REEP5: variants seen among roughly 807,000 people sequenced by gnomAD.
REEP5 encodes the protein receptor expression-enhancing protein 5.
A neutral mutation model predicts 22.4 loss-of-function variants in REEP5; 24 were observed. That is an observed-to-expected ratio of 1.07 (90% confidence interval 0.78 to 1.51). The LOEUF (loss-of-function observed/expected upper bound fraction) is 1.51. Ranked by LOEUF, REEP5 falls within the 40% of genes most tolerant of loss-of-function variation. REEP5 has a pLI of 0.00. For missense variants in REEP5, 252 were observed against 233.0 expected, an observed-to-expected ratio of 1.08 and a Z score of -0.53; for synonymous variants, 103 against 88.6, an observed-to-expected ratio of 1.16 and a Z score of -0.92.
intron 2 of REEP5, among the ~76,000 whole-genome samples, chr5:112,911,679 G>A (rs1357014771): frequency 1.3e-5 from 2 of 151,936 alleles, no homozygotes; most frequent in Non-Finnish European, 2.9e-5. Flanking sequence ...TTGCTTTTAG[G>A]ACCAAGTTCA....
chr5:112,877,824 T>A lies in REEP5; in HGVS notation c.*962A>T, dbSNP rs1018416328. ...CCTTAAACTGGTTTAAAAAAGAAGATTGGGAAAGAAGACTAAATCAACATG... is the reference window on the plus strand; with the variant it reads ...CCTTAAACTGGTTTAAAAAAGAAGAATGGGAAAGAAGACTAAATCAACATG... On this transcript the variant is annotated 3_prime_UTR_variant, in exon 5 of 5. Coordinates refer to ENST00000379638, the MANE Select transcript of REEP5 (RefSeq NM_005669.5). 1 of 152,042 alleles carries A rather than the reference T, an allele frequency of 6.6e-6. No individual in the cohort carries two copies. The highest frequency in any genetic ancestry group is 2.4e-5 in the African/African-American group (1 of 41,364). The allele number at this position is 152,042 out of a possible 1,614,324, so 9.4% of individuals were successfully genotyped here. A position where few individuals can be genotyped will look rare whatever the true frequency, so the allele number is the denominator to read the frequency against.
chr5:112,906,189 T>C (rs918161715), intron 2 of REEP5, among the ~76,000 whole-genome samples: 10 of 152,178 alleles, frequency 6.6e-5, no homozygotes, highest in African/African-American at 1.9e-4. Context: ...ACCTTCATAA[T>C]AGCCATGTAG....
At chr5:112,917,798 T>C (rs770035588) in intron 2 of REEP5, among the ~76,000 whole-genome samples, 10 of 152,192 alleles carry the variant, frequency 6.6e-5, no homozygotes, top group Non-Finnish European at 1.5e-4. Context: ...ATGCTCAGAA[T>C]AGGCAAACTC....
At chr5:112,886,025 A>C (rs985859473) in intron 4 of REEP5, among the ~76,000 whole-genome samples, 3 of 152,210 alleles carry the variant, frequency 2.0e-5, no homozygotes, top group Non-Finnish European at 2.9e-5. Flanking sequence ...CTTCAGCGAC[A>C]TGGCCTCTCC....
At chr5:112,919,355 C>CTGGCTAACA (rs1769299521) in intron 2 of REEP5, among the ~76,000 whole-genome samples, 1 of 152,052 alleles carries the variant, frequency 6.6e-6, no homozygotes, top group African/African-American at 2.4e-5. Flanking sequence ...CAAGATCAGC[C>CTGGCTAACA]TGGCTAACAT....
intron 2 of REEP5, among the ~76,000 whole-genome samples, chr5:112,908,100 T>TG (rs948360543): frequency 2.2e-4 from 22 of 97,984 alleles, no homozygotes; most frequent in African/African-American, 6.1e-4. Context: ...CTTTGTTTTT[T>TG]GTTTTTTTTT....
chr5:112,921,338 G>A (rs577411688), intron 1 of REEP5, 82 bp from the exon 2 acceptor site: 77 of 1,344,840 alleles, frequency 5.7e-5, no homozygotes, highest in African/African-American at 2.1e-4. Flanking sequence ...CCGCGAGGCT[G>A]GGCCTGTTGT....
chr5:112,891,332 T>TA (rs1296167828), intron 3 of REEP5, among the ~76,000 whole-genome samples: 1 of 152,058 alleles, frequency 6.6e-6, no homozygotes, highest in African/African-American at 2.4e-5. Flanking sequence ...TTCGGCCTCC[T>TA]AAAGTGCTGG....
chr5:112,883,742 C>T (rs1186175612), intron 4 of REEP5, among the ~76,000 whole-genome samples: 1 of 152,114 alleles, frequency 6.6e-6, no homozygotes, highest in Non-Finnish European at 1.5e-5. Context: ...CAAACAGACA[C>T]CTCAAACAAA....
chr5:112,879,171 C>A (rs903185272), intron 4 of REEP5, among the ~76,000 whole-genome samples: 3 of 152,120 alleles, frequency 2.0e-5, no homozygotes. Flanking sequence ...TGTTCAAATT[C>A]TATTTGTATC....
At chr5:112,914,084 A>G (rs550766338) in intron 2 of REEP5, among the ~76,000 whole-genome samples, 45 of 150,852 alleles carry the variant, frequency 3.0e-4, no homozygotes, top group East Asian at 8.1e-4. Flanking sequence ...TCAAGGCTGC[A>G]GTGAGCTGTG....
Position 112,922,110 on chromosome 5 carries a change from C to T in REEP5, c.81G>A (p.Glu27=), listed in dbSNP as rs376552763. The T allele has an allele frequency of 1.8e-5, 29 of 1,605,100 alleles. No individual in the cohort carries two copies. Among genetic ancestry groups the T allele is most frequent in the South Asian group, 1.3e-4 (12 of 89,844 alleles). ...AGCTCCTGTTCACGCCGGTTTTGGC[C>T]TCGAGCTTGGCCAGAAGGTCAGTCA... ...NCMTDLLAKL[E]AKTGVNRSFI... is the part of the protein sequence containing the mutation. The change falls in exon 1 of 5, where the codon GAG becomes GAA. Residue 27 remains glutamate, a synonymous_variant. Transcript: ENST00000379638.
chr5:112,921,503 T>A (rs953402303), intron 1 of REEP5: 64 of 548,846 alleles, frequency 1.2e-4, no homozygotes, highest in Non-Finnish European at 1.8e-4. Context: ...CCCCGGCGCT[T>A]TGCGCAGCAA....
intron 2 of REEP5, among the ~76,000 whole-genome samples, chr5:112,912,528 G>C (rs933208033): frequency 1.6e-4 from 24 of 152,162 alleles, no homozygotes; most frequent in Non-Finnish European, 3.2e-4. Flanking sequence ...GTAAAGAACA[G>C]AAAGGAATCA....
intron 3 of REEP5, among the ~76,000 whole-genome samples, chr5:112,901,932 T>C (rs1201742185): frequency 2.1e-5 from 3 of 143,484 alleles, no homozygotes; most frequent in Admixed American, 1.4e-4. Context: ...CACTGCACTC[T>C]AGCCTGGGCG....
At chr5:112,889,582 T>C (rs764215014) in intron 3 of REEP5, among the ~76,000 whole-genome samples, 1 of 150,656 alleles carries the variant, frequency 6.6e-6, no homozygotes, top group African/African-American at 2.5e-5. Context: ...TATATATTTA[T>C]ATATAGCTAT....
intron 2 of REEP5, among the ~76,000 whole-genome samples, chr5:112,907,000 C>T (rs1198648455): frequency 2.0e-5 from 3 of 152,120 alleles, no homozygotes; most frequent in Non-Finnish European, 4.4e-5. Flanking sequence ...TAGAATAAGT[C>T]AACTCTAATA....
rs186842902 is a variant in REEP5, at chr5:112,914,192, G to A, written c.212+6971C>T. Among the ~76,000 whole-genome samples, 179 of 150,746 alleles carry A rather than the reference G, an allele frequency of 1.2e-3. 1 individual carries two copies. The highest frequency in any genetic ancestry group is 3.4e-3 in the Middle Eastern group (1 of 294). ...GGCTGGAGTGCAGTGGCGCAATCTC[G>A]GCTCATTGCAACCTGTGCCTCCTGG... is the stretch of plus-strand genomic sequence containing the variant. On this transcript the variant is annotated intron_variant, in intron 2 of 4. Coordinates refer to ENST00000379638, the MANE Select transcript of REEP5 (RefSeq NM_005669.5).
Position 112,882,075 on chromosome 5 carries a change from ACTC to A in REEP5, c.521-3243_521-3241del, listed in dbSNP as rs140521662. ...GTGTGAGCACTGCACCTGACCTACT[ACTC>A]CTATTTTAATTATTGATGATTTTAA... On this transcript the variant is annotated intron_variant, in intron 4 of 4. Transcript: ENST00000379638. 613 of 152,958 alleles carry A rather than the reference ACTC, an allele frequency of 4.0e-3. 4 individuals carry two copies. The highest frequency in any genetic ancestry group is 0.014 in the African/African-American group (573 of 41,204). 9.5% of individuals were successfully genotyped at this position (152,958 alleles called of 1,614,324 possible).
Sources: gnomAD v4.1 joint callset for allele counts (sites outside exome capture counted in the v4.1 genomes callset) on GRCh38, gnomAD v4.1.1 for gene constraint, MANE v1.5 for transcripts, NCBI Gene and HGNC (gene_info 2026-07-23, HGNC 2026-07-21) for gene names.